UBR1: variants seen among roughly 807,000 people sequenced by gnomAD.
UBR1 encodes the protein ubiquitin protein ligase E3 component n-recognin 1, also known as E3 ubiquitin-protein ligase UBR1.
A neutral mutation model predicts 242.1 loss-of-function variants in UBR1; 102 were observed. The observed-to-expected ratio is 0.42, with a 90% CI of 0.36 to 0.50. The LOEUF is 0.50. Among genes scored for constraint, UBR1 ranks in the 20% least tolerant of loss-of-function variants. The pLI is 0.01. For synonymous variants in UBR1, 675 were observed against 684.8 expected, an observed-to-expected ratio of 0.99 and a Z score of 0.22; for missense variants, 1,772 against 2,101.8, an observed-to-expected ratio of 0.84 and a Z score of 3.07.
chr15:43,060,195 G>T, intron 6 of UBR1, 81 bp from the exon 7 acceptor site: 1 of 1,339,478 alleles, frequency 7.5e-7, no homozygotes, highest in Non-Finnish European at 1.1e-6. Flanking sequence ...AAGACTTAAT[G>T]AGCTCTTAAC....
At chr15:43,060,581 T>C (rs528176162) in intron 6 of UBR1, among the ~76,000 whole-genome samples, 2 of 152,302 alleles carry the variant, frequency 1.3e-5, no homozygotes, top group South Asian at 4.1e-4. Flanking sequence ...AAGGTCTATG[T>C]AGGATTTCCT....
chr15:43,052,426 C>T (rs2033567961), intron 12 of UBR1, among the ~76,000 whole-genome samples: 1 of 152,160 alleles, frequency 6.6e-6, no homozygotes, highest in South Asian at 2.1e-4. Context: ...AGGAAACTTT[C>T]TAATAGTTGG....
chr15:43,028,348 T>C (rs2033204161), intron 21 of UBR1, among the ~76,000 whole-genome samples: 1 of 152,200 alleles, frequency 6.6e-6, no homozygotes, highest in Non-Finnish European at 1.5e-5. Flanking sequence ...CACTATTTTT[T>C]TACAAAGTCA....
At chr15:43,099,512 A>G (rs1301209441) in intron 1 of UBR1, among the ~76,000 whole-genome samples, 1 of 152,182 alleles carries the variant, frequency 6.6e-6, no homozygotes, top group Non-Finnish European at 1.5e-5. Flanking sequence ...TAGTCACACA[A>G]GTATATACAT....
chr15:42,968,409 G>C (rs72721503), intron 40 of UBR1, among the ~76,000 whole-genome samples: 2,982 of 148,776 alleles, frequency 0.02, 43 homozygotes, highest in Non-Finnish European at 0.03. Context: ...TTTAAATAGA[G>C]AGACAGGGTC....
chr15:43,078,585 A>G (rs1272679605), intron 3 of UBR1, among the ~76,000 whole-genome samples: 1 of 152,210 alleles, frequency 6.6e-6, no homozygotes, highest in African/African-American at 2.4e-5. Flanking sequence ...AAAGAAAACT[A>G]TAACACAATG....
intron 15 of UBR1, among the ~76,000 whole-genome samples, chr15:43,038,881 T>C (rs910075588): frequency 6.6e-6 from 1 of 152,030 alleles, no homozygotes; most frequent in Non-Finnish European, 1.5e-5. Flanking sequence ...TAACAAAAAT[T>C]TTTATTTTCA....
intron 14 of UBR1, among the ~76,000 whole-genome samples, chr15:43,045,330 G>T (rs1383662134): frequency 1.3e-5 from 2 of 152,128 alleles, no homozygotes; most frequent in Non-Finnish European, 2.9e-5. Context: ...AGCTAGGTGT[G>T]GTGGCATGTG....
intron 23 of UBR1, 113 bp downstream of exon 23, chr15:43,026,448 A>G (rs2033178999): frequency 1.3e-6 from 1 of 771,106 alleles, no homozygotes; most frequent in Non-Finnish European, 2.2e-6. Flanking sequence ...TGACATAATG[A>G]CCTCTATTAA....
At chr15:42,952,765 C>G (rs986223913) in intron 44 of UBR1, among the ~76,000 whole-genome samples, 13 of 152,174 alleles carry the variant, frequency 8.5e-5, no homozygotes, top group African/African-American at 3.1e-4. Flanking sequence ...CAGTCTTCAT[C>G]TGACATGCCC....
In UBR1 at chr15:43,076,171, G is replaced by A. The variant is rs1479863474; in HGVS notation, c.418-1082C>T. Among the ~76,000 whole-genome samples, 549 of 150,124 alleles carry A rather than the reference G, an allele frequency of 3.7e-3. 1 individual carries two copies. The highest frequency in any genetic ancestry group is 0.013 in the African/African-American group (519 of 41,178). ...CGTTTTTTTTTTTTTTGGTGGAGAC[G>A]GGGTTTTGCTGTGTTGGCCGGGCCA... On this transcript the variant is annotated intron_variant, in intron 3 of 46. Coordinates refer to ENST00000290650, the MANE Select transcript of UBR1 (RefSeq NM_174916.3).
chr15:42,986,224 A>G (rs981480821), intron 35 of UBR1, among the ~76,000 whole-genome samples: 28 of 152,238 alleles, frequency 1.8e-4, no homozygotes, highest in Non-Finnish European at 3.5e-4. Flanking sequence ...CATTCTGTAC[A>G]TATCTCTCCA....
At chr15:43,042,089 T>A (rs2033427180) in intron 15 of UBR1, among the ~76,000 whole-genome samples, 1 of 152,122 alleles carries the variant, frequency 6.6e-6, no homozygotes, top group Non-Finnish European at 1.5e-5. Context: ...GGTGGGAATG[T>A]AAAATGGTAC....
intron 42 of UBR1, 105 bp downstream of exon 42, chr15:42,963,829 AC>A (rs2032061224): frequency 1.2e-5 from 10 of 853,742 alleles, no homozygotes; most frequent in Non-Finnish European, 1.9e-5. Flanking sequence ...TACTTTTGCC[AC>A]CCCTTTAATC....
At chr15:43,045,677 A>T (rs1646137605) in intron 14 of UBR1, among the ~76,000 whole-genome samples, 1 of 152,238 alleles carries the variant, frequency 6.6e-6, no homozygotes, top group African/African-American at 2.4e-5. Context: ...TTTAAATACC[A>T]TGTAAATGGG....
Position 43,102,819 on chromosome 15 carries a change from C to T in UBR1, c.81+3123G>A, listed in dbSNP as rs558553465. ...GTTCTCTCTTTCTCATCATCTCTGT[C>T]TCACTCTCTTTTCCTCTGTGTGTGT... On this transcript the variant is annotated intron_variant, in intron 1 of 46. Coordinates refer to ENST00000290650, the MANE Select transcript of UBR1 (RefSeq NM_174916.3). Among the ~76,000 whole-genome samples the T allele has an allele frequency of 3.9e-5, 6 of 152,336 alleles. No individual in the cohort carries two copies. The South Asian group carries it at 6.2e-4, about 16-fold the overall frequency.
intron 15 of UBR1, among the ~76,000 whole-genome samples, chr15:43,041,833 G>A (rs147763384): frequency 2.0e-5 from 3 of 152,152 alleles, no homozygotes; most frequent in African/African-American, 7.2e-5. Flanking sequence ...CAACTGAACA[G>A]CAAAATTAAA....
At chr15:42,993,713 G>A (rs1055342714) in intron 33 of UBR1, among the ~76,000 whole-genome samples, 3 of 151,954 alleles carry the variant, frequency 2.0e-5, no homozygotes, top group Admixed American at 6.6e-5. Flanking sequence ...GGTGTTGGTG[G>A]CGGGCAACCA....
At chr15:43,085,571 T>C (rs1310952100) in intron 2 of UBR1, among the ~76,000 whole-genome samples, 2 of 149,582 alleles carry the variant, frequency 1.3e-5, no homozygotes, top group Non-Finnish European at 3.0e-5. Flanking sequence ...CATCGTGAAA[T>C]AGATACAAAA....
Sources: gnomAD v4.1 joint callset for allele counts (sites outside exome capture counted in the v4.1 genomes callset) on GRCh38, gnomAD v4.1.1 for gene constraint, MANE v1.5 for transcripts, NCBI Gene and HGNC (gene_info 2026-07-23, HGNC 2026-07-21) for gene names.